The following MAP4K5 variants were observed in gnomAD, a reference collection of about 807,000 sequenced individuals.
MAP4K5 encodes the protein MAPK/ERK kinase kinase kinase 5.
A neutral mutation model predicts 135.6 loss-of-function variants in MAP4K5; 82 were observed. The ratio of observed to expected loss-of-function variants is 0.60; its 90% CI spans 0.51 to 0.73. The LOEUF (loss-of-function observed/expected upper bound fraction) is 0.73. MAP4K5 is among the 30% of genes least tolerant of loss of function. The pLI is 0.00. For missense variants in MAP4K5, 907 were observed against 1,010.9 expected (o/e 0.90, Z 1.39); for synonymous variants, 347 against 335.0 (o/e 1.04, Z -0.39).
At chr14:50,518,282 C>T (rs138607007) in intron 2 of MAP4K5, among the ~76,000 whole-genome samples, 41 of 152,036 alleles carry the variant, frequency 2.7e-4, no homozygotes, top group African/African-American at 9.6e-4. Context: ...TTTATTTTTA[C>T]TTTAAGTTAC....
chr14:50,481,877 C>G (rs933365829), intron 6 of MAP4K5, among the ~76,000 whole-genome samples: 1 of 152,186 alleles, frequency 6.6e-6, no homozygotes, highest in African/African-American at 2.4e-5. Flanking sequence ...TCAGATAACA[C>G]CTTGAGTTAA....
chr14:50,535,718 G>C (rs892378298), upstream of MAP4K5, among the ~76,000 whole-genome samples: 1 of 152,174 alleles, frequency 6.6e-6, no homozygotes, highest in African/African-American at 2.4e-5. Flanking sequence ...AGGTCATTAG[G>C]ATGAGAGTTT....
At position 50,504,855 on chromosome 14, in the gene MAP4K5, G is replaced by A; in HGVS notation, c.111C>T (p.Ala37=). The change falls in exon 3 of 33, where the codon GCC becomes GCT. Residue 37 remains alanine, a splice_region_variant and synonymous_variant. Coordinates refer to ENST00000682126, the MANE Select transcript of MAP4K5 (RefSeq NM_006575.6). Reference sequence around the variant, plus strand: ...CCAGCTCTCCTGTGTGTACATTTCTGGCCTAAAAATAAAATAAAAACAAAA... The same window carrying A: ...CCAGCTCTCCTGTGTGTACATTTCTAGCCTAAAAATAAAATAAAAACAAAA... ...GSGTYGDVYK[A]RNVHTGELAA... is the part of the protein sequence containing the mutation. 6.5e-7 allele frequency: 1 copy of A among 1,529,750 alleles called. No individual in the cohort carries two copies. The highest frequency in any genetic ancestry group is 8.8e-7 in the Non-Finnish European group (1 of 1,139,974). 94.8% of individuals were successfully genotyped at this position (1,529,750 alleles called of 1,614,324 possible). A position where few individuals can be genotyped will look rare whatever the true frequency, so the allele number is the denominator to read the frequency against.
chr14:50,557,532 A>G (rs2038779005), intron 1 of MAP4K5, among the ~76,000 whole-genome samples: 1 of 152,168 alleles, frequency 6.6e-6, no homozygotes, highest in Non-Finnish European at 1.5e-5. Flanking sequence ...ATTCTTTTTC[A>G]CACCTACATA....
chr14:50,532,207 C>G, intron 1 of MAP4K5, 49 bp from the exon 2 acceptor site: 1 of 576,182 alleles, frequency 1.7e-6, no homozygotes, highest in Non-Finnish European at 3.0e-6. Flanking sequence ...GCTACGACCC[C>G]CAGCGGCCCG....
intron 11 of MAP4K5, among the ~76,000 whole-genome samples, chr14:50,464,587 G>A (rs1446749016): frequency 6.6e-6 from 1 of 152,130 alleles, no homozygotes; most frequent in East Asian, 1.9e-4. Context: ...AGAGGAGGGA[G>A]CAATTTTAGC....
At chr14:50,524,261 A>G (rs1053375633) in intron 2 of MAP4K5, among the ~76,000 whole-genome samples, 4 of 152,202 alleles carry the variant, frequency 2.6e-5, no homozygotes. Flanking sequence ...CTTTCCTGTC[A>G]TAGCTAAGCT....
In MAP4K5 at chr14:50,419,661, A is replaced by C. The variant is rs528823999; in HGVS notation, c.*358T>G. On this transcript the variant is annotated 3_prime_UTR_variant, in exon 33 of 33. Coordinates refer to ENST00000682126, the MANE Select transcript of MAP4K5 (RefSeq NM_006575.6). ...ATTAAGAAGGAATAAGACATGATAT[A>C]AAATGATCACTAAATTTACCTCTCT... is the stretch of plus-strand genomic sequence containing the variant. 5.4e-6 allele frequency: 1 copy of C among 184,348 alleles called. No homozygotes were observed. The highest frequency in any genetic ancestry group is 2.3e-5 in the African/African-American group (1 of 42,824). 11.4% of individuals were successfully genotyped at this position (184,348 alleles called of 1,614,324 possible).
At chr14:50,437,360 A>G (rs529891980) in intron 26 of MAP4K5, 116 bp downstream of exon 26, 5 of 769,754 alleles carry the variant, frequency 6.5e-6, no homozygotes, top group Non-Finnish European at 1.1e-5. Context: ...ACTTCTTACT[A>G]AACACAAATT....
chr14:50,440,205 ATCTT>A (rs2036193908), intron 22 of MAP4K5, 132 bp from the exon 23 acceptor site: 10 of 797,190 alleles, frequency 1.3e-5, no homozygotes, highest in Non-Finnish European at 1.5e-5. Context: ...AAGAAAAAAA[ATCTT>A]TCAACATGAA....
intron 30 of MAP4K5, among the ~76,000 whole-genome samples, chr14:50,428,018 A>C (rs535163194): frequency 3.5e-4 from 54 of 152,234 alleles, no homozygotes; most frequent in Non-Finnish European, 7.5e-4. Context: ...TAATGCAGCA[A>C]AGGGAATAAT....
At chr14:50,521,994 G>A (rs961664577) in intron 2 of MAP4K5, among the ~76,000 whole-genome samples, 2 of 152,054 alleles carry the variant, frequency 1.3e-5, no homozygotes, top group Admixed American at 1.3e-4. Context: ...CACAAGTATT[G>A]CTTGTTAATA....
In MAP4K5 at chr14:50,419,881, A is replaced by T. The variant is rs1018166238; in HGVS notation, c.*138T>A. ...CCAGCTGCAGAAAATATTGAATTCTACCCTAAAGTACAGATCATTTGCAAT... is the reference window on the plus strand; with the variant it reads ...CCAGCTGCAGAAAATATTGAATTCTTCCCTAAAGTACAGATCATTTGCAAT... On this transcript the variant is annotated 3_prime_UTR_variant, in exon 33 of 33. Coordinates refer to ENST00000682126, the MANE Select transcript of MAP4K5 (RefSeq NM_006575.6). 8 of 631,976 alleles carry T rather than the reference A, an allele frequency of 1.3e-5. No individual in the cohort carries two copies. Among genetic ancestry groups the T allele is most frequent in the Middle Eastern group, 3.2e-4 (1 of 3,118 alleles). The allele number at this position is 631,976 out of a possible 1,614,324, so 39.1% of individuals were successfully genotyped here.
intron 3 of MAP4K5, among the ~76,000 whole-genome samples, chr14:50,493,593 C>G (rs2037532070): frequency 6.6e-6 from 1 of 151,828 alleles, no homozygotes; most frequent in African/African-American, 2.4e-5. Context: ...AACAAATAAA[C>G]AAATTTAGCA....
At chr14:50,560,000 T>TCA in intron 1 of MAP4K5, 2 of 548,422 alleles carry the variant, frequency 3.6e-6, no homozygotes, top group South Asian at 4.2e-5. Flanking sequence ...ATCACTGTCT[T>TCA]CACGGTCTGG....
At chr14:50,466,456 C>T (rs563988823) in intron 11 of MAP4K5, 127 bp downstream of exon 11, 17 of 436,182 alleles carry the variant, frequency 3.9e-5, no homozygotes, top group Admixed American at 7.4e-5. Context: ...AGCAAATCAG[C>T]TGTGTAACTT....
rs977107798 is a variant in MAP4K5, at chr14:50,498,146, A to G, written c.166+6654T>C. On this transcript the variant is annotated intron_variant, in intron 3 of 32. Coordinates refer to ENST00000682126, the MANE Select transcript of MAP4K5 (RefSeq NM_006575.6). Reference sequence around the variant, plus strand: ...TGAGTTAGATGGTAGGCTGAAATTCAGACAGAAGACAGGAAAACATGGTGG... The same window carrying G: ...TGAGTTAGATGGTAGGCTGAAATTCGGACAGAAGACAGGAAAACATGGTGG... Among the ~76,000 whole-genome samples the G allele has an allele frequency of 9.8e-5, 15 of 152,318 alleles. No individual in the cohort carries two copies. The East Asian group carries it at 2.9e-3, about 29-fold the overall frequency.
intron 3 of MAP4K5, 35 bp downstream of exon 3, chr14:50,504,765 C>A (rs770024854): frequency 1.4e-6 from 2 of 1,435,242 alleles, no homozygotes; most frequent in East Asian, 5.1e-5. Flanking sequence ...ATATGGAAAA[C>A]CCTCAAAAAT....
At chr14:50,484,330 TTTG>T (rs1566671662) in intron 5 of MAP4K5, among the ~76,000 whole-genome samples, 1 of 152,208 alleles carries the variant, frequency 6.6e-6, no homozygotes, top group East Asian at 1.9e-4. Context: ...TTATGGATTA[TTTG>T]TTGTGACAAA....
Sources: gnomAD v4.1 joint callset for allele counts (sites outside exome capture counted in the v4.1 genomes callset) on GRCh38, gnomAD v4.1.1 for gene constraint, MANE v1.5 for transcripts, NCBI Gene and HGNC (gene_info 2026-07-23, HGNC 2026-07-21) for gene names.